The following NXPE2 variants were observed in gnomAD, a reference collection of about 807,000 sequenced individuals.
NXPE2 encodes the protein neurexophilin and PC-esterase domain family member 2.
A neutral mutation model predicts 34.4 loss-of-function variants in NXPE2; 34 were observed. The ratio of observed to expected loss-of-function variants is 0.99; its 90% CI spans 0.75 to 1.31. NXPE2 has a LOEUF of 1.31. Among genes scored for constraint, NXPE2 ranks in the 40% most tolerant of loss-of-function variants. The pLI is 0.00. For synonymous variants in NXPE2, 235 were observed against 231.3 expected, an observed-to-expected ratio of 1.02 and a Z score of -0.15; for missense variants, 649 against 672.5, an observed-to-expected ratio of 0.97 and a Z score of 0.39.
chr11:114,706,085 ATTTATTTTATTTTAT>A (rs61693681), intron 5 of NXPE2, 89 bp downstream of exon 5: 14 of 382,272 alleles, frequency 3.7e-5, no homozygotes, highest in African/African-American at 1.3e-4. Flanking sequence ...CTTTTCTAAT[ATTTATTTTATTTTAT>A]TTTATTTTAT....
the NXPE2 span, among the ~76,000 whole-genome samples, chr11:114,764,173 A>T: frequency 6.6e-6 from 1 of 152,174 alleles, no homozygotes; most frequent in South Asian, 2.1e-4. Flanking sequence ...ATATGTATCA[A>T]ATGCATCATG....
chr11:114,499,153 AT>A, the NXPE2 span, among the ~76,000 whole-genome samples: 1,974 of 152,112 alleles, frequency 0.013, 46 homozygotes, highest in African/African-American at 0.046. Flanking sequence ...TATTTTCAGG[AT>A]TTTTAGCTTA....
At chr11:114,660,920 T>G in the NXPE2 span, among the ~76,000 whole-genome samples, 5 of 151,614 alleles carry the variant, frequency 3.3e-5, no homozygotes, top group Non-Finnish European at 5.9e-5. Context: ...TAATATAAAG[T>G]TTTTTTTAGG....
At chr11:114,750,073 C>G in the NXPE2 span, among the ~76,000 whole-genome samples, 2 of 152,178 alleles carry the variant, frequency 1.3e-5, no homozygotes, top group Non-Finnish European at 2.9e-5. Flanking sequence ...GACAGGTGCT[C>G]TCTTAACTCA....
the NXPE2 span, among the ~76,000 whole-genome samples, chr11:114,637,069 A>C: frequency 6.6e-6 from 1 of 152,008 alleles, no homozygotes; most frequent in South Asian, 2.1e-4. Context: ...GGGGTGTTAA[A>C]GTCTCCCATT....
At chr11:114,791,180 T>TG in the NXPE2 span, among the ~76,000 whole-genome samples, 1 of 150,272 alleles carries the variant, frequency 6.7e-6, no homozygotes, top group Non-Finnish European at 1.5e-5. Flanking sequence ...TGATTCCGTT[T>TG]GAAAAAAAAA....
the NXPE2 span, chr11:114,581,884 T>G: frequency 1.2e-6 from 1 of 824,124 alleles, no homozygotes; most frequent in South Asian, 1.6e-5. Flanking sequence ...TTCTTAGAGA[T>G]AAGTCAATTA....
chr11:114,703,653 C>CATAG (rs58702498), intron 3 of NXPE2, among the ~76,000 whole-genome samples: 1,162 of 102,892 alleles, frequency 0.011, 7 homozygotes, highest in East Asian at 0.019. Flanking sequence ...TTAAAATAAG[C>CATAG]ATAGATAGAT....
At chr11:114,522,006 CA>C in the NXPE2 span, 1 of 1,613,228 alleles carries the variant, frequency 6.2e-7, no homozygotes, top group Middle Eastern at 1.7e-4. Flanking sequence ...ATCTGATTTC[CA>C]ATCACATGAT....
At chr11:114,570,924 G>T in the NXPE2 span, 1 of 1,533,384 alleles carries the variant, frequency 6.5e-7, no homozygotes, top group South Asian at 1.2e-5. Context: ...ATGAATTTCA[G>T]ACTTTTGTGT....
the NXPE2 span, among the ~76,000 whole-genome samples, chr11:114,477,718 T>C: frequency 5.9e-5 from 9 of 151,900 alleles, no homozygotes; most frequent in Admixed American, 2.0e-4. Context: ...GAGTAAATAC[T>C]CTATGATTCT....
chr11:114,675,069 TAAAG>T (rs748065254), upstream of NXPE2, among the ~76,000 whole-genome samples: 6 of 151,614 alleles, frequency 4.0e-5, no homozygotes, highest in Non-Finnish European at 5.9e-5. Context: ...TCTCAATAGA[TAAAG>T]AAAAAGGATT....
chr11:114,676,573 C>T (rs1372385903), upstream of NXPE2, among the ~76,000 whole-genome samples: 1 of 151,888 alleles, frequency 6.6e-6, no homozygotes, highest in Admixed American at 6.6e-5. Flanking sequence ...TACCTCATAC[C>T]TGTTAGTATG....
At chr11:114,606,042 G>T in the NXPE2 span, among the ~76,000 whole-genome samples, 1 of 145,862 alleles carries the variant, frequency 6.9e-6, no homozygotes, top group Non-Finnish European at 1.5e-5. Flanking sequence ...GGATAATAAG[G>T]TCTGCCTCGT....
chr11:114,782,419 T>C, the NXPE2 span, among the ~76,000 whole-genome samples: 3 of 152,166 alleles, frequency 2.0e-5, no homozygotes, highest in Non-Finnish European at 4.4e-5. Context: ...CATCAGGAAA[T>C]CTTCTTGGAA....
the NXPE2 span, among the ~76,000 whole-genome samples, chr11:114,639,289 T>TC: frequency 1.3e-5 from 2 of 152,074 alleles, no homozygotes; most frequent in African/African-American, 4.8e-5. Flanking sequence ...GGATATAATC[T>TC]CCTGGTGCAC....
chr11:114,583,132 CTTA>C, the NXPE2 span: 1 of 1,212,228 alleles, frequency 8.2e-7, no homozygotes, highest in Non-Finnish European at 1.1e-6. Flanking sequence ...GTCATTTTTA[CTTA>C]TTGTGATTTT....
the NXPE2 span, among the ~76,000 whole-genome samples, chr11:114,544,592 A>G: frequency 1.3e-5 from 2 of 152,202 alleles, no homozygotes; most frequent in African/African-American, 4.8e-5. Context: ...TGGATGACAG[A>G]CCTAAATAAA....
chr11:114,759,538 G>A, the NXPE2 span, among the ~76,000 whole-genome samples: 438 of 152,216 alleles, frequency 2.9e-3, 2 homozygotes, highest in African/African-American at 0.01. Flanking sequence ...TCCTTATTGC[G>A]TCAGTTTCTG....
Sources: allele counts gnomAD v4.1 joint callset (sites outside exome capture counted in the v4.1 genomes callset), GRCh38; gene constraint gnomAD v4.1.1; transcripts MANE v1.5; gene names NCBI Gene and HGNC (gene_info 2026-07-23, HGNC 2026-07-21).